Variants in ORC2 observed in about 807,000 individuals in gnomAD.
ORC2 encodes origin recognition complex subunit 2.
ORC2 carries 37 observed loss-of-function variants against 77.7 expected under a neutral mutation model. The observed-to-expected ratio is 0.48, with a 90% CI of 0.37 to 0.63. The LOEUF (loss-of-function observed/expected upper bound fraction) is 0.63. Among genes scored for constraint, ORC2 ranks in the 20% least tolerant of loss-of-function variants. The pLI is 0.00. For synonymous variants in ORC2, 201 were observed against 229.5 expected (o/e 0.88, Z 1.12); for missense variants, 557 against 661.9 (o/e 0.84, Z 1.74).
chr2:200,955,043 T>C (rs1016333310), intron 4 of ORC2, among the ~76,000 whole-genome samples: 1 of 152,178 alleles, frequency 6.6e-6, no homozygotes, highest in Non-Finnish European at 1.5e-5. Context: ...GTATTTGTCC[T>C]TGGTCTGCAG....
intron 5 of ORC2, among the ~76,000 whole-genome samples, chr2:200,945,172 G>GT (rs1360652733): frequency 6.6e-6 from 1 of 152,130 alleles, no homozygotes; most frequent in Admixed American, 6.5e-5. Context: ...CAATGCATGT[G>GT]TACAGTTTTT....
Position 200,921,012 on chromosome 2 carries a change from G to A in ORC2, c.1275C>T (p.Asp425=), listed in dbSNP as rs2124944617. The A allele has an allele frequency of 1.3e-6, 2 of 1,592,800 alleles. No individual in the cohort carries two copies. The highest frequency in any genetic ancestry group is 1.7e-5 in the Admixed American group (1 of 58,848). ...LHNIYLIASI[D]HLNAPLMWDH... is the part of the protein sequence containing the mutation. ...ACTTACTGAGAGGAGCATTGAGGTGGTCAATGGATGCTATAAGGTAAATGT... is the reference window on the plus strand; with the variant it reads ...ACTTACTGAGAGGAGCATTGAGGTGATCAATGGATGCTATAAGGTAAATGT... Residue 425 remains aspartate (D), a synonymous_variant, in exon 14 of 18, where the codon GAC becomes GAT. Coordinates refer to ENST00000234296, the MANE Select transcript of ORC2 (RefSeq NM_006190.5).
rs564736632 is a variant in ORC2, at chr2:200,940,931, A to G, written c.453+317T>C. 2.2e-4 allele frequency among the ~76,000 whole-genome samples: 34 copies of G among 152,312 alleles called. No individual in the cohort carries two copies. The East Asian group carries it at 2.9e-3, about 13-fold the overall frequency. ...CTTCCCCCTGCAAAAGAAACAGAACATGATACATAAAAGCAAAACCCCAAA... is the reference window on the plus strand; with the variant it reads ...CTTCCCCCTGCAAAAGAAACAGAACGTGATACATAAAAGCAAAACCCCAAA... On this transcript the variant is annotated intron_variant, in intron 7 of 17. Coordinates refer to ENST00000234296, the MANE Select transcript of ORC2 (RefSeq NM_006190.5).
Position 200,933,981 on chromosome 2 carries a change from G to A in ORC2, c.709-7C>T, listed in dbSNP as rs749196300. On this transcript the variant is annotated splice_region_variant and splice_polypyrimidine_tract_variant and intron_variant, in intron 9 of 17. Coordinates refer to ENST00000234296, the MANE Select transcript of ORC2 (RefSeq NM_006190.5). ...ATTCTTCTACTAAGTCACTCTGAAAGTGAACAGAGTAGTCAGTCCTTAGTA... is the reference window on the plus strand; with the variant it reads ...ATTCTTCTACTAAGTCACTCTGAAAATGAACAGAGTAGTCAGTCCTTAGTA... The A allele has an allele frequency of 4.0e-6, 6 of 1,495,388 alleles. No individual in the cohort carries two copies. The highest frequency in any genetic ancestry group is 1.4e-5 in the African/African-American group (1 of 72,504). The allele number at this position is 1,495,388 out of a possible 1,614,324, so 92.6% of individuals were successfully genotyped here. A position where few individuals can be genotyped will look rare whatever the true frequency, so the allele number is the denominator to read the frequency against.
At chr2:200,948,430 T>C (rs1260184611) in intron 5 of ORC2, among the ~76,000 whole-genome samples, 3 of 152,226 alleles carry the variant, frequency 2.0e-5, no homozygotes, top group Non-Finnish European at 2.9e-5. Flanking sequence ...AATCAGCAAC[T>C]GAAGTGTTAA....
At chr2:200,956,930 C>T (rs2041477087) in intron 4 of ORC2, among the ~76,000 whole-genome samples, 1 of 152,118 alleles carries the variant, frequency 6.6e-6, no homozygotes, top group Non-Finnish European at 1.5e-5. Flanking sequence ...CCACACACTG[C>T]ATATTCTCAC....
At chr2:200,951,963 T>C (rs2125024508) in intron 4 of ORC2, among the ~76,000 whole-genome samples, 1 of 152,216 alleles carries the variant, frequency 6.6e-6, no homozygotes, top group Non-Finnish European at 1.5e-5. Context: ...TCTCTTATAT[T>C]TTTGTCTAAA....
intron 7 of ORC2, among the ~76,000 whole-genome samples, chr2:200,940,729 A>G (rs1214660030): frequency 1.3e-5 from 2 of 151,988 alleles, no homozygotes; most frequent in African/African-American, 4.8e-5. Context: ...TTGAACCTGG[A>G]AGGTGGAGGT....
At chr2:200,913,538 A>G (rs903670710) in intron 16 of ORC2, 125 bp from the exon 17 acceptor site, 1 of 1,375,316 alleles carries the variant, frequency 7.3e-7, no homozygotes, top group Non-Finnish European at 9.4e-7. Context: ...GTGAACAAGT[A>G]TTGATAGGAC....
At chr2:200,958,160 A>G (rs2041506297) in intron 2 of ORC2, 27 bp from the exon 3 acceptor site, 1 of 1,300,088 alleles carries the variant, frequency 7.7e-7, no homozygotes, top group African/African-American at 1.5e-5. Flanking sequence ...AGTTACTCAA[A>G]AGTGATGAAG....
intron 15 of ORC2, 86 bp from the exon 16 acceptor site, chr2:200,914,078 G>A (rs1192045504): frequency 2.5e-6 from 2 of 809,384 alleles, no homozygotes; most frequent in African/African-American, 3.6e-5. Flanking sequence ...CAAAGAAAAT[G>A]TCAAGTAGTT....
At chr2:200,955,806 A>C (rs942470627) in intron 4 of ORC2, among the ~76,000 whole-genome samples, 2 of 152,160 alleles carry the variant, frequency 1.3e-5, no homozygotes, top group African/African-American at 4.8e-5. Flanking sequence ...TTTTTAAGCT[A>C]GGTTGTGGGG....
At chr2:200,953,586 G>A (rs1057304238) in intron 4 of ORC2, among the ~76,000 whole-genome samples, 1 of 152,132 alleles carries the variant, frequency 6.6e-6, no homozygotes, top group South Asian at 2.1e-4. Flanking sequence ...CCACTTATGG[G>A]TATAAACCCC....
chr2:200,942,156 T>C (rs997136336), intron 6 of ORC2, among the ~76,000 whole-genome samples: 2 of 151,962 alleles, frequency 1.3e-5, no homozygotes, highest in African/African-American at 4.8e-5. Context: ...GAATAGCCAA[T>C]GCACTTCAGC....
At chr2:200,912,556 C>T (rs1418591191) in intron 17 of ORC2, among the ~76,000 whole-genome samples, 1 of 152,100 alleles carries the variant, frequency 6.6e-6, no homozygotes, top group Non-Finnish European at 1.5e-5. Context: ...GCTGGGACTA[C>T]AGGTACAGCT....
At chr2:200,960,348 T>A (rs887774721) in intron 1 of ORC2, among the ~76,000 whole-genome samples, 2 of 152,062 alleles carry the variant, frequency 1.3e-5, no homozygotes, top group Non-Finnish European at 2.9e-5. Flanking sequence ...GGAAAAATTT[T>A]AAAAATAAAA....
intron 11 of ORC2, 128 bp from the exon 12 acceptor site, chr2:200,927,028 C>T: frequency 1.1e-6 from 1 of 909,980 alleles, no homozygotes; most frequent in East Asian, 2.5e-5. Context: ...CTGGCTCAAG[C>T]CTGTAATCCC....
chr2:200,953,849 C>T (rs1324824242), intron 4 of ORC2, among the ~76,000 whole-genome samples: 1 of 152,096 alleles, frequency 6.6e-6, no homozygotes, highest in Non-Finnish European at 1.5e-5. Context: ...TAAATTCTTG[C>T]TCTGTCACCC....
At chr2:200,962,140 C>T (rs2041586283) in intron 1 of ORC2, among the ~76,000 whole-genome samples, 1 of 152,194 alleles carries the variant, frequency 6.6e-6, no homozygotes, top group African/African-American at 2.4e-5. Context: ...ACAAAGACCT[C>T]ATGAGAAACG....
Sources: allele counts gnomAD v4.1 joint callset (sites outside exome capture counted in the v4.1 genomes callset), GRCh38; gene constraint gnomAD v4.1.1; transcripts MANE v1.5; gene names NCBI Gene and HGNC (gene_info 2026-07-23, HGNC 2026-07-21).